Variants in PTPRD observed in about 807,000 individuals in gnomAD.
The protein encoded by PTPRD is protein tyrosine phosphatase receptor type D, also known as receptor-type tyrosine-protein phosphatase delta.
PTPRD carries 34 observed loss-of-function variants against 214.5 expected under a neutral mutation model. The ratio of observed to expected loss-of-function variants is 0.16; its 90% CI spans 0.12 to 0.21. The LOEUF (loss-of-function observed/expected upper bound fraction) is 0.21, where lower values mean the gene tolerates loss of function less well. Ranked by LOEUF, PTPRD falls within the 10% of genes least tolerant of loss-of-function variation. PTPRD has a pLI of 1.00. For synonymous variants in PTPRD, 1,128 were observed against 845.7 expected, an observed-to-expected ratio of 1.33 and a Z score of -5.79; for missense variants, 2,545 against 2,398.7, an observed-to-expected ratio of 1.06 and a Z score of -1.27.
intron 3 of PTPRD, among the ~76,000 whole-genome samples, chr9:10,171,527 T>C (rs2099205770): frequency 6.6e-6 from 1 of 152,068 alleles, no homozygotes; most frequent in Admixed American, 6.6e-5. Flanking sequence ...TATCTTTATT[T>C]TTATTTTTAT....
chr9:8,650,338 T>C (rs757344852), intron 12 of PTPRD, among the ~76,000 whole-genome samples: 2 of 152,054 alleles, frequency 1.3e-5, no homozygotes, highest in Admixed American at 1.3e-4. Context: ...GAGACCAGCC[T>C]GACCAACATG....
At position 9,267,286 on chromosome 9, in the gene PTPRD, A is replaced by G. The variant is rs975185841; in HGVS notation, c.-202-83923T>C. Reference sequence around the variant, plus strand: ...ACAAGGAACTATTTGAATAATATCAACAAATTGGTAACCTAGCATAAATGG... The same window carrying G: ...ACAAGGAACTATTTGAATAATATCAGCAAATTGGTAACCTAGCATAAATGG... On this transcript the variant is annotated intron_variant, in intron 9 of 45. Transcript: ENST00000381196. Among the ~76,000 whole-genome samples, 8 of 151,338 alleles carry G rather than the reference A, an allele frequency of 5.3e-5. No individual in the cohort carries two copies. The East Asian group carries it at 1.6e-3, about 30-fold the overall frequency.
chr9:10,460,044 A>G (rs551538300), intron 2 of PTPRD, among the ~76,000 whole-genome samples: 1 of 152,206 alleles, frequency 6.6e-6, no homozygotes, highest in East Asian at 1.9e-4. Flanking sequence ...AGAGTTTCGG[A>G]GATGGATGGC....
At chr9:9,673,001 C>T (rs914552715) in intron 7 of PTPRD, among the ~76,000 whole-genome samples, 6 of 151,898 alleles carry the variant, frequency 4.0e-5, no homozygotes, top group South Asian at 2.1e-4. Flanking sequence ...TTGATTATAA[C>T]GTATACAAAT....
intron 11 of PTPRD, among the ~76,000 whole-genome samples, chr9:8,794,572 G>T (rs1298874787): frequency 1.4e-5 from 2 of 145,064 alleles, no homozygotes; most frequent in African/African-American, 5.1e-5. Flanking sequence ...TCCAACTCTT[G>T]GGCTCAAGCA....
chr9:9,320,255 T>C (rs1475510844), intron 9 of PTPRD, among the ~76,000 whole-genome samples: 1 of 152,146 alleles, frequency 6.6e-6, no homozygotes, highest in Non-Finnish European at 1.5e-5. Context: ...TTGGAAGACC[T>C]ACTTTTTTTT....
At chr9:8,768,901 GACTT>G (rs1178950704) in intron 11 of PTPRD, among the ~76,000 whole-genome samples, 3 of 152,168 alleles carry the variant, frequency 2.0e-5, no homozygotes, top group African/African-American at 4.8e-5. Context: ...CTAGTACACT[GACTT>G]ACTAAGGGTA....
chr9:9,344,463 C>T (rs1446094178), intron 9 of PTPRD, among the ~76,000 whole-genome samples: 1 of 151,702 alleles, frequency 6.6e-6, no homozygotes, highest in Non-Finnish European at 1.5e-5. Flanking sequence ...ACTACATGTT[C>T]AGCACATGTA....
At chr9:9,517,014 T>G (rs1365085723) in intron 8 of PTPRD, among the ~76,000 whole-genome samples, 1 of 151,456 alleles carries the variant, frequency 6.6e-6, no homozygotes, top group Non-Finnish European at 1.5e-5. Context: ...ATGCTGTAAC[T>G]TGAAATTAGT....
chr9:8,444,040 A>G (rs2095637910), intron 34 of PTPRD, among the ~76,000 whole-genome samples: 1 of 151,952 alleles, frequency 6.6e-6, no homozygotes, highest in Non-Finnish European at 1.5e-5. Context: ...AAAGTCTGTA[A>G]TTGGGTCTCT....
Position 10,365,960 on chromosome 9 carries a change from G to C in PTPRD, c.-599-24943C>G, listed in dbSNP as rs148653110. On this transcript the variant is annotated intron_variant, in intron 2 of 45. Transcript: ENST00000381196. ...GTTTCCATAGTCATGCCTTTCCAGA[G>C]GGGAGAATAAACTAAACAGTCAAAT... Among the ~76,000 whole-genome samples the C allele has an allele frequency of 2.6e-5, 4 of 152,236 alleles. No individual in the cohort carries two copies. The East Asian group carries it at 5.8e-4, about 22-fold the overall frequency.
At chr9:9,604,448 G>A (rs1033657141) in intron 7 of PTPRD, among the ~76,000 whole-genome samples, 1 of 151,942 alleles carries the variant, frequency 6.6e-6, no homozygotes. Context: ...TTTTAGTTCT[G>A]ATTATAACAA....
At chr9:8,767,914 T>C (rs540851178) in intron 11 of PTPRD, among the ~76,000 whole-genome samples, 3 of 152,212 alleles carry the variant, frequency 2.0e-5, no homozygotes, top group African/African-American at 7.2e-5. Flanking sequence ...AGGAAACATA[T>C]ATAACTAAAC....
At chr9:10,075,688 G>A (rs1370358230) in intron 3 of PTPRD, among the ~76,000 whole-genome samples, 3 of 151,216 alleles carry the variant, frequency 2.0e-5, no homozygotes, top group Non-Finnish European at 4.4e-5. Flanking sequence ...TGGGGGGGAG[G>A]GGGAAAATTG....
At chr9:8,921,315 CCT>C (rs1224136985) in intron 11 of PTPRD, among the ~76,000 whole-genome samples, 1 of 152,104 alleles carries the variant, frequency 6.6e-6, no homozygotes, top group Non-Finnish European at 1.5e-5. Context: ...TGCTCTCACT[CCT>C]CTCTCACACA....
intron 11 of PTPRD, among the ~76,000 whole-genome samples, chr9:8,828,728 A>G (rs868262649): frequency 1.2e-4 from 19 of 152,298 alleles, no homozygotes; most frequent in African/African-American, 4.1e-4. Flanking sequence ...TAAAAAACAT[A>G]TATAATAAAT....
chr9:10,426,509 T>C (rs1301385053), intron 2 of PTPRD, among the ~76,000 whole-genome samples: 1 of 152,082 alleles, frequency 6.6e-6, no homozygotes, highest in African/African-American at 2.4e-5. Context: ...CTTGTAATCA[T>C]GGCTTTGTTT....
intron 8 of PTPRD, among the ~76,000 whole-genome samples, chr9:9,399,582 T>C (rs972831198): frequency 6.6e-6 from 1 of 152,064 alleles, no homozygotes; most frequent in Non-Finnish European, 1.5e-5. Flanking sequence ...TCATCTTAAA[T>C]TGTAGCTCTC....
intron 5 of PTPRD, among the ~76,000 whole-genome samples, chr9:9,791,379 A>C (rs899156646): frequency 2.0e-5 from 3 of 152,142 alleles, no homozygotes; most frequent in Non-Finnish European, 2.9e-5. Flanking sequence ...GGTAAATGTA[A>C]GAAGTTTGTT....
Sources: gnomAD v4.1 joint callset for allele counts (sites outside exome capture counted in the v4.1 genomes callset) on GRCh38, gnomAD v4.1.1 for gene constraint, MANE v1.5 for transcripts, NCBI Gene and HGNC (gene_info 2026-07-23, HGNC 2026-07-21) for gene names.